PSAT1: variants seen among roughly 807,000 people sequenced by gnomAD.
PSAT1 encodes the protein phosphoserine aminotransferase.
PSAT1 carries 41 observed loss-of-function variants against 40.3 expected under a neutral mutation model. The ratio of observed to expected loss-of-function variants is 1.02; its 90% CI spans 0.79 to 1.32. The LOEUF (loss-of-function observed/expected upper bound fraction) is 1.32, where lower values mean the gene tolerates loss of function less well. Ranked by LOEUF, PSAT1 falls within the 40% of genes most tolerant of loss-of-function variation. The pLI is 0.00. For synonymous variants in PSAT1, 147 were observed against 170.5 expected, an observed-to-expected ratio of 0.86 and a Z score of 1.07; for missense variants, 406 against 455.8, an observed-to-expected ratio of 0.89 and a Z score of 0.99.
At chr9:78,303,246 G>T (rs1439109009) in intron 3 of PSAT1, among the ~76,000 whole-genome samples, 2 of 152,156 alleles carry the variant, frequency 1.3e-5, no homozygotes, top group African/African-American at 4.8e-5. Flanking sequence ...GGCAGGCTTG[G>T]TGATATTTCT....
At chr9:78,302,300 T>C (rs1828118409) in intron 3 of PSAT1, among the ~76,000 whole-genome samples, 1 of 152,172 alleles carries the variant, frequency 6.6e-6, no homozygotes, top group African/African-American at 2.4e-5. Flanking sequence ...GCAGTTAAAC[T>C]GGTGTGAAAG....
At chr9:78,326,919 T>A (rs1465881656) in intron 7 of PSAT1, among the ~76,000 whole-genome samples, 1 of 145,204 alleles carries the variant, frequency 6.9e-6, no homozygotes, top group Non-Finnish European at 1.5e-5. Context: ...AGCTCAAACA[T>A]GCTTAAGTGA....
At chr9:78,298,506 T>A (rs1341478774) in intron 1 of PSAT1, 11 of 893,162 alleles carry the variant, frequency 1.2e-5, no homozygotes, top group Non-Finnish European at 1.5e-5. Context: ...GTGGTTACAG[T>A]TCATTTTAGG....
chr9:78,315,426 A>G (rs1226388912), intron 6 of PSAT1, among the ~76,000 whole-genome samples: 1 of 152,216 alleles, frequency 6.6e-6, no homozygotes, highest in Non-Finnish European at 1.5e-5. Context: ...GCCACAGTAG[A>G]CTTCAGGAAG....
Position 78,306,428 on chromosome 9 carries a change from C to T in PSAT1, c.512C>T (p.Ala171Val). Residue 171 changes from alanine (A) to valine (V), a missense_variant, in exon 5 of 9, where the codon GCA becomes GTA. By Grantham distance (64) the Ala-to-Val change is moderately conservative. Transcript: ENST00000376588. ...GACTTTATACCCGATGTCAAGGGAGCAGTACTGGTTTGTGACATGTCCTCA... is the reference window on the plus strand; with the variant it reads ...GACTTTATACCCGATGTCAAGGGAGTAGTACTGGTTTGTGACATGTCCTCA... The part of the protein sequence containing the change: ...EFDFIPDVKG[A>V]VLVCDMSSNF... 6.2e-7 allele frequency: 1 copy of T among 1,614,134 alleles called. No individual in the cohort carries two copies. Among genetic ancestry groups the T allele is most frequent in the East Asian group, 2.2e-5 (1 of 44,886 alleles).
At chr9:78,306,282 G>A in intron 4 of PSAT1, 32 bp from the exon 5 acceptor site, 1 of 1,611,622 alleles carries the variant, frequency 6.2e-7, no homozygotes. Flanking sequence ...AGAGTGAAAA[G>A]TGCAAAGTCT....
chr9:78,312,494 G>A (rs1485320576), intron 6 of PSAT1, among the ~76,000 whole-genome samples: 1 of 151,920 alleles, frequency 6.6e-6, no homozygotes, highest in Admixed American at 6.6e-5. Flanking sequence ...TCGGGAGTTC[G>A]AGACCACCCT....
chr9:78,312,486 G>T (rs1205196694), intron 6 of PSAT1, among the ~76,000 whole-genome samples: 1 of 151,748 alleles, frequency 6.6e-6, no homozygotes, highest in Non-Finnish European at 1.5e-5. Context: ...ACCTGAGGTC[G>T]GGAGTTCGAG....
chr9:78,303,983 CT>C (rs1471630743), intron 3 of PSAT1, among the ~76,000 whole-genome samples: 1 of 152,102 alleles, frequency 6.6e-6, no homozygotes, highest in Non-Finnish European at 1.5e-5. Flanking sequence ...AAGAATTTTG[CT>C]TTTTATTTTG....
chr9:78,305,329 G>A (rs1392361910), intron 4 of PSAT1, among the ~76,000 whole-genome samples: 2 of 152,186 alleles, frequency 1.3e-5, no homozygotes, highest in African/African-American at 2.4e-5. Context: ...TGGCCAGGCT[G>A]CTTTTGAACT....
Position 78,329,007 on chromosome 9 carries a change from T to G in PSAT1, c.1034T>G (p.Leu345Arg). 1 of 1,613,852 alleles carries G rather than the reference T, an allele frequency of 6.2e-7. No homozygotes were observed. Among genetic ancestry groups the G allele is most frequent in the Non-Finnish European group, 8.5e-7 (1 of 1,179,850 alleles). ...HRSVGGIRAS[L>R]YNAVTIEDVQ... is the part of the protein sequence containing the mutation. The stretch of plus-strand genomic sequence containing the variant: ...TCTGTGGGAGGCATCCGGGCCTCTC[T>G]GTATAATGCTGTCACAATTGAAGAC... Residue 345 changes from leucine to arginine, a missense_variant, in exon 9 of 9, where the codon CTG (leucine) becomes CGG (arginine). Coordinates refer to ENST00000376588, the MANE Select transcript of PSAT1 (RefSeq NM_058179.4).
chr9:78,327,925 T>C, intron 7 of PSAT1, 126 bp from the exon 8 acceptor site: 1 of 1,052,842 alleles, frequency 9.5e-7, no homozygotes, highest in Non-Finnish European at 1.4e-6. Flanking sequence ...AGATTTTTTG[T>C]TTTTTGTTTT....
At chr9:78,311,356 G>A (rs1273692963) in intron 6 of PSAT1, among the ~76,000 whole-genome samples, 1 of 152,094 alleles carries the variant, frequency 6.6e-6, no homozygotes, top group Non-Finnish European at 1.5e-5. Context: ...TTTCAGAGGA[G>A]CCCAAGACCA....
chr9:78,325,235 T>C (rs1828479691), intron 7 of PSAT1, among the ~76,000 whole-genome samples: 2 of 152,188 alleles, frequency 1.3e-5, no homozygotes, highest in African/African-American at 4.8e-5. Context: ...CCATATTAGA[T>C]ACTGGAACCG....
chr9:78,304,389 A>ATT (rs1828150273), intron 3 of PSAT1, among the ~76,000 whole-genome samples: 2 of 152,224 alleles, frequency 1.3e-5, no homozygotes, highest in African/African-American at 2.4e-5. Flanking sequence ...AGCCTGGGGC[A>ATT]GGTACTCATC....
At chr9:78,304,105 A>C (rs1828146518) in intron 3 of PSAT1, among the ~76,000 whole-genome samples, 1 of 152,236 alleles carries the variant, frequency 6.6e-6, no homozygotes, top group Non-Finnish European at 1.5e-5. Context: ...TATTGGTTGC[A>C]AGTTATAGGA....
Position 78,328,070 on chromosome 9 carries a change from A to G in PSAT1, c.889A>G (p.Asn297Asp), listed in dbSNP as rs1198065787. The G allele has an allele frequency of 3.1e-6, 5 of 1,611,516 alleles. No individual in the cohort carries two copies. The highest frequency in any genetic ancestry group is 3.4e-6 in the Non-Finnish European group (4 of 1,179,444). The change falls in exon 8 of 9, where the codon AAT (asparagine) becomes GAT (aspartate). Residue 297 changes from asparagine to aspartate, a missense_variant. Physicochemically the swap from Asn to Asp is conservative, Grantham distance 23. Transcript: ENST00000376588. ...GFYVCPVEPQ[N>D]RSKMNIPFRI... Reference sequence around the variant, plus strand: ...TTTCAGTTGTCCAGTGGAGCCCCAAAATAGAAGCAAGATGAATATTCCATT... The same window carrying G: ...TTTCAGTTGTCCAGTGGAGCCCCAAGATAGAAGCAAGATGAATATTCCATT...
rs991599404 is a variant in PSAT1 at position 78,319,854 on chromosome 9, A to C, written c.869+2050A>C. On this transcript the variant is annotated intron_variant, in intron 7 of 8. Transcript: ENST00000376588. ...GCAGAACATGGGCTGCTTGAAGGGC[A>C]TGGTTTATGCTGGGATTGGGAAGAA... is the stretch of plus-strand genomic sequence containing the variant. Among the ~76,000 whole-genome samples, 6 of 152,074 alleles carry C rather than the reference A, an allele frequency of 3.9e-5. 1 individual carries two copies. Among genetic ancestry groups the C allele is most frequent in the Admixed American group, 3.3e-4 (5 of 15,268 alleles).
chr9:78,328,562 T>A (rs940844162), intron 8 of PSAT1, among the ~76,000 whole-genome samples: 2 of 152,212 alleles, frequency 1.3e-5, no homozygotes, highest in Non-Finnish European at 2.9e-5. Context: ...TAGTCTTGCA[T>A]GCTCTATGAA....
Sources: allele counts gnomAD v4.1 joint callset (sites outside exome capture counted in the v4.1 genomes callset), GRCh38; gene constraint gnomAD v4.1.1; transcripts MANE v1.5; gene names NCBI Gene and HGNC (gene_info 2026-07-23, HGNC 2026-07-21).